Variants in SHANK2 observed in about 807,000 individuals in gnomAD.
SHANK2 encodes the protein SH3 and multiple ankyrin repeat domains 2, also known as SH3 and multiple ankyrin repeat domains protein 2.
Under a neutral mutation model 133.7 loss-of-function variants are expected in SHANK2, and 43 were observed. The ratio of observed to expected loss-of-function variants is 0.32; its 90% CI spans 0.25 to 0.41. The LOEUF (loss-of-function observed/expected upper bound fraction) is 0.41. SHANK2 is among the 10% of genes least tolerant of loss of function. The pLI is 1.00. For synonymous variants in SHANK2, 1,017 were observed against 952.8 expected (o/e 1.07, Z -1.24); for missense variants, 1,994 against 2,235.8 (o/e 0.89, Z 2.18).
intron 17 of SHANK2, among the ~76,000 whole-genome samples, chr11:70,594,654 G>C (rs782662586): frequency 1.9e-4 from 29 of 152,170 alleles, no homozygotes; most frequent in Non-Finnish European, 3.4e-4. Flanking sequence ...TCATTCTAAG[G>C]TGAGGAAAAT....
At chr11:70,575,953 C>G (rs782777674) in intron 17 of SHANK2, among the ~76,000 whole-genome samples, 1 of 151,836 alleles carries the variant, frequency 6.6e-6, no homozygotes, top group Non-Finnish European at 1.5e-5. Context: ...GTCAGGGGCT[C>G]AGTAATTATT....
At chr11:70,747,805 T>G (rs562661032) in intron 14 of SHANK2, among the ~76,000 whole-genome samples, 1 of 152,340 alleles carries the variant, frequency 6.6e-6, no homozygotes, top group East Asian at 1.9e-4. Flanking sequence ...TGTGCATGTT[T>G]GTGAGTGTCC....
Position 71,153,053 on chromosome 11 carries a change from C to T in SHANK2, c.-12-5715G>A, listed in dbSNP as rs572366477. Among the ~76,000 whole-genome samples the T allele has an allele frequency of 2.0e-5, 3 of 152,304 alleles. No individual in the cohort carries two copies. The East Asian group carries it at 5.8e-4, about 29-fold the overall frequency. ...CTGTTCATCTGAAATTCAGGCAGAACTGGATGCGCTGCGTTTTATCTGGCA... is the reference window on the plus strand; with the variant it reads ...CTGTTCATCTGAAATTCAGGCAGAATTGGATGCGCTGCGTTTTATCTGGCA... On this transcript the variant is annotated intron_variant, in intron 2 of 25. Coordinates refer to ENST00000601538, the MANE Select transcript of SHANK2 (RefSeq NM_012309.5).
rs1295155124 is a variant in SHANK2, at chr11:70,658,278, CACAG to C, written c.2061+1546_2061+1549del. The stretch of plus-strand genomic sequence containing the variant: ...ACACACACACAGACACACACACACA[CACAG>C]ACACACACACACACACACACACACA... On this transcript the variant is annotated intron_variant, in intron 17 of 25. Transcript: ENST00000601538. Among the ~76,000 whole-genome samples, 606 of 114,496 alleles carry C rather than the reference CACAG, an allele frequency of 5.3e-3. 1 individual carries two copies. Among genetic ancestry groups the C allele is most frequent in the Non-Finnish European group, 7.1e-3 (418 of 58,700 alleles). The allele number at this position is 114,496 out of a possible 152,430, so 75.1% of individuals were successfully genotyped here. A position where few individuals can be genotyped will look rare whatever the true frequency, so the allele number is the denominator to read the frequency against.
chr11:71,106,891 G>A lies in SHANK2; in HGVS notation c.592+3050C>T, dbSNP rs536976678. Reference sequence around the variant, plus strand: ...TGTAATCCCAACACTTCGGAAGGCCGAGGCCGGTGATCACTTGAACTCAGG... The same window carrying A: ...TGTAATCCCAACACTTCGGAAGGCCAAGGCCGGTGATCACTTGAACTCAGG... On this transcript the variant is annotated intron_variant, in intron 6 of 25. Transcript: ENST00000601538. Among the ~76,000 whole-genome samples the A allele has an allele frequency of 2.8e-4, 43 of 152,274 alleles. 1 individual carries two copies. Among genetic ancestry groups the A allele is most frequent in the South Asian group, 1.7e-3 (8 of 4,822 alleles).
intron 9 of SHANK2, among the ~76,000 whole-genome samples, chr11:71,070,847 T>C (rs1272781859): frequency 6.6e-6 from 1 of 152,208 alleles, no homozygotes; most frequent in African/African-American, 2.4e-5. Context: ...ATGGCTCATG[T>C]GCTAACCTGA....
intron 14 of SHANK2, among the ~76,000 whole-genome samples, chr11:70,738,667 T>C (rs1490147925): frequency 9.9e-5 from 15 of 152,208 alleles, no homozygotes; most frequent in African/African-American, 3.4e-4. Context: ...CTTTCTGCAG[T>C]GGCCACCGTA....
Position 70,951,866 on chromosome 11 carries a change from C to T in SHANK2, c.1108-55299G>A, listed in dbSNP as rs568123890. On this transcript the variant is annotated intron_variant, in intron 10 of 25. Transcript: ENST00000601538. ...ACATCACTCCAATCTTGGCCTCCAT[C>T]TTCACGTGGCGTTCTAACCCTTGTG... 9.2e-5 allele frequency among the ~76,000 whole-genome samples: 14 copies of T among 152,352 alleles called. No homozygotes were observed. In the South Asian group the frequency reaches 2.5e-3, roughly 27 times the overall value.
intron 14 of SHANK2, among the ~76,000 whole-genome samples, chr11:70,788,225 TGTC>T (rs1947711768): frequency 6.6e-6 from 1 of 152,176 alleles, no homozygotes. Flanking sequence ...TTCCTCATTG[TGTC>T]GTCTTCTTAT....
At chr11:70,534,339 A>G (rs1296582042) in intron 17 of SHANK2, among the ~76,000 whole-genome samples, 1 of 152,194 alleles carries the variant, frequency 6.6e-6, no homozygotes, top group African/African-American at 2.4e-5. Context: ...TTCACTCACT[A>G]TCATGAGAAC....
intron 11 of SHANK2, among the ~76,000 whole-genome samples, chr11:70,845,716 G>A (rs1292309283): frequency 6.6e-6 from 1 of 152,140 alleles, no homozygotes; most frequent in African/African-American, 2.4e-5. Flanking sequence ...TGAAACAGAC[G>A]GCCCCGGGTG....
At chr11:70,798,941 A>T (rs1555049854) in intron 13 of SHANK2, among the ~76,000 whole-genome samples, 1 of 152,106 alleles carries the variant, frequency 6.6e-6, no homozygotes, top group Non-Finnish European at 1.5e-5. Context: ...TTTCAGATAT[A>T]AAAGTGGAGT....
rs1466527325 is a variant in SHANK2 at position 70,486,782 on chromosome 11, T to G, written c.3511A>C (p.Arg1171=). The change falls in exon 25 of 26, where the codon AGG becomes CGG. Residue 1171 remains arginine (R), a synonymous_variant. Transcript: ENST00000601538. The surrounding 1 kb of genome is among the most constrained non-coding windows in gnomAD (Gnocchi z 8.0). The stretch of plus-strand genomic sequence containing the variant: ...GCTTTGGACGTGGAATTCAGCGGCC[T>G]CCCAGCCTCACCCGGAGCACTGGCC... ...AEASAPGEAG[R]PLNSTSKAQG... is the part of the protein sequence containing the mutation. 1 of 1,611,702 alleles carries G rather than the reference T, an allele frequency of 6.2e-7. No individual in the cohort carries two copies. Among genetic ancestry groups the G allele is most frequent in the African/African-American group, 1.3e-5 (1 of 74,900 alleles).
intron 7 of SHANK2, among the ~76,000 whole-genome samples, chr11:71,092,839 A>G (rs553888453): frequency 7.8e-4 from 119 of 152,246 alleles, no homozygotes; most frequent in African/African-American, 2.8e-3. Context: ...TCAGGAGTTC[A>G]AGACCAGCCT....
chr11:71,230,104 C>T (rs1210975953), intron 1 of SHANK2, among the ~76,000 whole-genome samples: 14 of 152,252 alleles, frequency 9.2e-5, no homozygotes, highest in East Asian at 3.9e-4. Context: ...CCTGGCCCAA[C>T]GTGGTGAAAC....
chr11:70,605,113 G>A (rs956989164), intron 17 of SHANK2, among the ~76,000 whole-genome samples: 1 of 152,262 alleles, frequency 6.6e-6, no homozygotes, highest in African/African-American at 2.4e-5. Context: ...CCTCAGTGAA[G>A]GGCAGGGCTT....
chr11:71,116,213 G>C (rs571732234), intron 4 of SHANK2, among the ~76,000 whole-genome samples: 1 of 152,338 alleles, frequency 6.6e-6, no homozygotes, highest in South Asian at 2.1e-4. Flanking sequence ...ACTGAGTAGA[G>C]AACCCACTTA....
chr11:70,785,953 C>G (rs1275335804), intron 14 of SHANK2, among the ~76,000 whole-genome samples: 1 of 152,104 alleles, frequency 6.6e-6, no homozygotes, highest in Non-Finnish European at 1.5e-5. Context: ...AGGGTGGTCG[C>G]CTGGGACCAC....
At chr11:70,595,564 C>G (rs782755473) in intron 17 of SHANK2, among the ~76,000 whole-genome samples, 4 of 152,202 alleles carry the variant, frequency 2.6e-5, no homozygotes, top group Non-Finnish European at 5.9e-5. Context: ...CAGCCTACAG[C>G]CCCTGTCACA....
Sources: gnomAD v4.1 joint callset for allele counts (sites outside exome capture counted in the v4.1 genomes callset) on GRCh38, gnomAD v4.1.1 for gene constraint, Gnocchi (gnomAD v3.1) non-coding constraint, MANE v1.5 for transcripts, NCBI Gene and HGNC (gene_info 2026-07-23, HGNC 2026-07-21) for gene names.